Variants in ABCA5 observed in about 807,000 individuals in gnomAD.
ABCA5 encodes ATP binding cassette subfamily A member 5, also known as cholesterol transporter ABCA5.
Under a neutral mutation model 206.0 loss-of-function variants are expected in ABCA5, and 163 were observed. The observed-to-expected ratio is 0.79, with a 90% CI of 0.70 to 0.90. The LOEUF (loss-of-function observed/expected upper bound fraction) is 0.90, where lower values mean the gene tolerates loss of function less well. ABCA5 is among the 40% of genes least tolerant of loss of function. ABCA5 has a pLI of 0.00. For missense variants in ABCA5, 1,859 were observed against 1,912.9 expected, an observed-to-expected ratio of 0.97 and a Z score of 0.53; for synonymous variants, 609 against 613.8, an observed-to-expected ratio of 0.99 and a Z score of 0.11.
At chr17:69,288,470 T>G (rs2075485393) in intron 14 of ABCA5, among the ~76,000 whole-genome samples, 1 of 152,182 alleles carries the variant, frequency 6.6e-6, no homozygotes, top group Non-Finnish European at 1.5e-5. Flanking sequence ...ATAACAAATA[T>G]TTTTTAAACT....
At chr17:69,314,940 G>T (rs2075801824) in intron 1 of ABCA5, 1 of 152,732 alleles carries the variant, frequency 6.5e-6, no homozygotes, top group Admixed American at 6.5e-5. Flanking sequence ...AACTATCGTT[G>T]TAAGAGGATG....
At chr17:69,323,217 C>T (rs529329355) in intron 1 of ABCA5, among the ~76,000 whole-genome samples, 5 of 152,266 alleles carry the variant, frequency 3.3e-5, no homozygotes, top group African/African-American at 9.6e-5. Context: ...GATAAAAGAC[C>T]GCTGACTGTG....
chr17:69,308,967 A>T (rs1468774446), intron 4 of ABCA5, among the ~76,000 whole-genome samples: 1 of 152,106 alleles, frequency 6.6e-6, no homozygotes, highest in Non-Finnish European at 1.5e-5. Flanking sequence ...ATTACATGAA[A>T]AAAAGAGATT....
chr17:69,252,935 A>C (rs1438096903), intron 34 of ABCA5, among the ~76,000 whole-genome samples: 3 of 152,022 alleles, frequency 2.0e-5, no homozygotes, highest in Admixed American at 6.6e-5. Flanking sequence ...TCCAACAGTG[A>C]TTCCATAAGA....
At chr17:69,294,846 C>T in intron 10 of ABCA5, 133 bp from the exon 11 acceptor site, 1 of 556,836 alleles carries the variant, frequency 1.8e-6, no homozygotes, top group Non-Finnish European at 2.9e-6. Context: ...TACTTTCCTA[C>T]TAAAACAATG....
chr17:69,293,886 TTGTG>T (rs146280717), intron 11 of ABCA5, among the ~76,000 whole-genome samples: 10 of 64,872 alleles, frequency 1.5e-4, no homozygotes, highest in East Asian at 4.6e-4. Flanking sequence ...GTGTGTGTGT[TTGTG>T]TGTGTGTGTA....
At chr17:69,322,179 G>A (rs541829972) in intron 1 of ABCA5, among the ~76,000 whole-genome samples, 5 of 151,922 alleles carry the variant, frequency 3.3e-5, no homozygotes, top group South Asian at 2.1e-4. Flanking sequence ...AAACTATCCC[G>A]GCCAACATGG....
chr17:69,298,221 A>AAGGTAGGTAGGT (rs757307976), intron 9 of ABCA5, among the ~76,000 whole-genome samples: 4,388 of 67,842 alleles, frequency 0.065, 282 homozygotes, highest in Non-Finnish European at 0.089. Flanking sequence ...GGAAGGAAGG[A>AAGGTAGGTAGGT]AGGTAGGTAG....
In ABCA5 at chr17:69,254,411, T is replaced by A. The variant is rs2075051361; in HGVS notation, c.4148A>T (p.Asn1383Ile). 1 of 1,613,558 alleles carries A rather than the reference T, an allele frequency of 6.2e-7. No individual in the cohort carries two copies. The highest frequency in any genetic ancestry group is 8.5e-7 in the Non-Finnish European group (1 of 1,179,788). ...LKCMGYCPQI[N>I]PLWPDTTLQE... Reference sequence around the variant, plus strand: ...CAATGTAGTATCTGGCCACAAAGGGTTTATCTGAGGACAGTAACCCATACA... The same window carrying A: ...CAATGTAGTATCTGGCCACAAAGGGATTATCTGAGGACAGTAACCCATACA... Residue 1383 changes from asparagine (N) to isoleucine (I), a missense_variant, in exon 32 of 39, where the codon AAC becomes ATC. Asn to Ile is a moderately radical substitution (Grantham distance 149). Transcript: ENST00000392676.
At chr17:69,292,629 A>G (rs1396425596) in intron 11 of ABCA5, among the ~76,000 whole-genome samples, 3 of 152,202 alleles carry the variant, frequency 2.0e-5, no homozygotes, top group African/African-American at 7.2e-5. Context: ...AATTAGTTGT[A>G]ATTGTTATTA....
Position 69,325,141 on chromosome 17 carries a change from CAAAAA to C in ABCA5, c.-16+1906_-16+1910del, listed in dbSNP as rs11320196. Among the ~76,000 whole-genome samples the C allele has an allele frequency of 7.4e-4, 87 of 118,070 alleles. 1 individual carries two copies. Among genetic ancestry groups the C allele is most frequent in the Admixed American group, 4.3e-3 (50 of 11,538 alleles). The allele number at this position is 118,070 out of a possible 152,430, so 77.5% of individuals were successfully genotyped here. A position where few individuals can be genotyped will look rare whatever the true frequency, so the allele number is the denominator to read the frequency against. On this transcript the variant is annotated intron_variant, in intron 1 of 38. Coordinates refer to ENST00000392676, the MANE Select transcript of ABCA5 (RefSeq NM_172232.4). ...CAACATAGAGAGACACTGTCTCTAC[CAAAAA>C]AAAAAAAAAAAAAATAGCCAGGCGT... is the stretch of plus-strand genomic sequence containing the variant.
At chr17:69,290,278 T>C (rs982684270) in intron 12 of ABCA5, among the ~76,000 whole-genome samples, 1 of 152,126 alleles carries the variant, frequency 6.6e-6, no homozygotes, top group Non-Finnish European at 1.5e-5. Context: ...AAGTAAAAGC[T>C]TGACACTAAA....
intron 27 of ABCA5, 56 bp from the exon 28 acceptor site, chr17:69,259,853 GT>G (rs1265456976): frequency 6.1e-6 from 7 of 1,147,822 alleles, no homozygotes; most frequent in South Asian, 1.6e-5. Flanking sequence ...TGTTGTTGTT[GT>G]TTTTTCCTTT....
intron 17 of ABCA5, 88 bp downstream of exon 17, chr17:69,285,810 G>A: frequency 7.3e-7 from 1 of 1,362,418 alleles, no homozygotes; most frequent in Non-Finnish European, 9.9e-7. Context: ...AATACTACAT[G>A]GAGAAGGAAA....
At chr17:69,268,492 G>A (rs968703472) in intron 22 of ABCA5, among the ~76,000 whole-genome samples, 2 of 151,748 alleles carry the variant, frequency 1.3e-5, no homozygotes, top group Non-Finnish European at 2.9e-5. Flanking sequence ...TCCAAGCTCA[G>A]CTTCCTATGG....
At chr17:69,256,534 T>C (rs1158175072) in intron 28 of ABCA5, among the ~76,000 whole-genome samples, 2 of 150,706 alleles carry the variant, frequency 1.3e-5, no homozygotes, top group African/African-American at 4.9e-5. Context: ...CAGGTCACTA[T>C]AACCTCTGCC....
rs769791401 is a variant in ABCA5, at chr17:69,260,430, GAAAA to G, written c.3565-22_3565-19del. On this transcript the variant is annotated intron_variant, in intron 26 of 38. Transcript: ENST00000392676. ...CAAGAAATCTAAGACAAAAAGATTTGAAAATATATACGCTGCAATATGTAGAAAT... is the reference window on the plus strand; with the variant it reads ...CAAGAAATCTAAGACAAAAAGATTTGTATATACGCTGCAATATGTAGAAAT... The G allele has an allele frequency of 6.7e-7, 1 of 1,491,658 alleles. No individual in the cohort carries two copies. Among genetic ancestry groups the G allele is most frequent in the South Asian group, 1.2e-5 (1 of 86,574 alleles). 92.4% of individuals were successfully genotyped at this position (1,491,658 alleles called of 1,614,324 possible).
intron 20 of ABCA5, among the ~76,000 whole-genome samples, chr17:69,273,353 A>T (rs2075293636): frequency 6.6e-6 from 1 of 151,986 alleles, no homozygotes; most frequent in Non-Finnish European, 1.5e-5. Flanking sequence ...TATTTTGCTC[A>T]TCATGGACTT....
intron 34 of ABCA5, 82 bp from the exon 35 acceptor site, chr17:69,251,948 GGTTA>G: frequency 6.7e-7 from 1 of 1,481,672 alleles, no homozygotes. Context: ...CCAACCGGTT[GGTTA>G]ATTAAGTTAA....
Sources: allele counts gnomAD v4.1 joint callset (sites outside exome capture counted in the v4.1 genomes callset), GRCh38; gene constraint gnomAD v4.1.1; transcripts MANE v1.5; gene names NCBI Gene and HGNC (gene_info 2026-07-23, HGNC 2026-07-21).